Variants in PROM1 observed in about 807,000 individuals in gnomAD.
PROM1 encodes the protein prominin 1.
PROM1 carries 105 observed loss-of-function variants against 116.9 expected under a neutral mutation model. The observed-to-expected ratio is 0.90, with a 90% CI of 0.77 to 1.06. The LOEUF is 1.06. Among genes scored for constraint, PROM1 ranks in the 50% least tolerant of loss-of-function variants. The pLI, the probability that PROM1 is intolerant of heterozygous loss-of-function variation, is 0.00. For missense variants in PROM1, 1,122 were observed against 1,045.2 expected (o/e 1.07, Z -1.01); for synonymous variants, 393 against 387.0 (o/e 1.02, Z -0.18).
rs541140761 is a variant in PROM1 at position 16,014,532 on chromosome 4, T to C, written c.1078-1194A>G. Among the ~76,000 whole-genome samples the C allele has an allele frequency of 4.5e-4, 68 of 152,334 alleles. 1 individual carries two copies. The highest frequency in any genetic ancestry group is 1.5e-3 in the African/African-American group (64 of 41,578). ...ACTTTGTCGGTAAGTAAGTGTCTGGTAAACACATGTAGACAAGTGTTTAAT... is the reference window on the plus strand; with the variant it reads ...ACTTTGTCGGTAAGTAAGTGTCTGGCAAACACATGTAGACAAGTGTTTAAT... On this transcript the variant is annotated intron_variant, in intron 10 of 27. Transcript: ENST00000447510.
At position 15,984,340 on chromosome 4, in the gene PROM1, C is replaced by T. The variant is rs1468615991; in HGVS notation, c.2296G>A (p.Ala766Thr). ...WIEFSISEKV[A>T]SCKPVATALD... ...GCGGTGGCCACAGGTTTGCACGATG[C>T]CACTTTCTCACTGATCTAGGGGGGT... The change falls in exon 23 of 28, where the codon GCA (alanine) becomes ACA (threonine). Residue 766 changes from alanine to threonine, a missense_variant. Physicochemically the swap from Ala to Thr is moderately conservative, Grantham distance 58. Coordinates refer to ENST00000447510, the MANE Select transcript of PROM1 (RefSeq NM_006017.3). 1 of 1,594,444 alleles carries T rather than the reference C, an allele frequency of 6.3e-7. No individual in the cohort carries two copies. Among genetic ancestry groups the T allele is most frequent in the Middle Eastern group, 1.7e-4 (1 of 5,972 alleles).
intron 5 of PROM1, among the ~76,000 whole-genome samples, chr4:16,032,466 G>C (rs976590492): frequency 2.0e-5 from 3 of 152,162 alleles, no homozygotes; most frequent in Admixed American, 2.0e-4. Context: ...TACTGAGCAC[G>C]TGTGGTGTTT....
At chr4:16,003,217 G>A in intron 13 of PROM1, 1 of 450,476 alleles carries the variant, frequency 2.2e-6, no homozygotes, top group African/African-American at 2.0e-5. Context: ...GCATGGATGT[G>A]TCATAACTCA....
At chr4:16,011,932 G>T (rs1267445960) in intron 11 of PROM1, among the ~76,000 whole-genome samples, 1 of 152,134 alleles carries the variant, frequency 6.6e-6, no homozygotes, top group African/African-American at 2.4e-5. Flanking sequence ...GCACTAAAAT[G>T]ATTTTTAAAA....
In PROM1 at chr4:15,989,773, T is replaced by C; in HGVS notation, c.2035A>G (p.Thr679Ala). Residue 679 changes from threonine to alanine, a missense_variant, in exon 19 of 28, where the codon ACA becomes GCA. By Grantham distance (58) the Thr-to-Ala change is moderately conservative. Coordinates refer to ENST00000447510, the MANE Select transcript of PROM1 (RefSeq NM_006017.3). ...SLKRDAQTIK[T>A]IHQQRVLPIE... ...GGAAGGACTCGTTGCTGGTGAATTG[T>C]TTTAATAGTTTGTGCATCTCTTTTC... 6.2e-7 allele frequency: 1 copy of C among 1,610,118 alleles called. No homozygotes were observed. The highest frequency in any genetic ancestry group is 8.5e-7 in the Non-Finnish European group (1 of 1,177,830).
chr4:15,989,745 A>G lies in PROM1; in HGVS notation c.2063T>C (p.Ile688Thr). 3 of 1,603,942 alleles carry G rather than the reference A, an allele frequency of 1.9e-6. No individual in the cohort carries two copies. Among genetic ancestry groups the G allele is most frequent in the Non-Finnish European group, 1.7e-6 (2 of 1,173,516 alleles). ...GTTGACTGTTACCAGTGATTGTTCTATAGGAAGGACTCGTTGCTGGTGAAT... is the reference window on the plus strand; with the variant it reads ...GTTGACTGTTACCAGTGATTGTTCTGTAGGAAGGACTCGTTGCTGGTGAAT... ...KTIHQQRVLP[I>T]EQSLSTLYQS... Residue 688 changes from isoleucine (I) to threonine (T), a missense_variant, in exon 19 of 28, where the codon ATA (isoleucine) becomes ACA (threonine). Ile to Thr is a moderately conservative substitution (Grantham distance 89). Coordinates refer to ENST00000447510, the MANE Select transcript of PROM1 (RefSeq NM_006017.3).
chr4:16,025,951 G>A (rs1214250441), intron 5 of PROM1, among the ~76,000 whole-genome samples: 1 of 152,208 alleles, frequency 6.6e-6, no homozygotes, highest in Non-Finnish European at 1.5e-5. Context: ...TCTACAGAAA[G>A]TGCAAAAACA....
At position 16,019,311 on chromosome 4, in the gene PROM1, AAATTTTG is replaced by A. The variant is rs546872792; in HGVS notation, c.785-778_785-772del. ...ATGCATTCAGTTAAAATCGTACTTC[AAATTTTG>A]AATTTTGAATTTTGAACTTTCCCAG... On this transcript the variant is annotated intron_variant, in intron 8 of 27. Coordinates refer to ENST00000447510, the MANE Select transcript of PROM1 (RefSeq NM_006017.3). Among the ~76,000 whole-genome samples, 387 of 152,370 alleles carry A rather than the reference AAATTTTG, an allele frequency of 2.5e-3. 1 individual carries two copies. The highest frequency in any genetic ancestry group is 8.3e-3 in the African/African-American group (345 of 41,592).
chr4:16,037,762 T>A (rs1320165128), intron 3 of PROM1, among the ~76,000 whole-genome samples: 1 of 152,138 alleles, frequency 6.6e-6, no homozygotes, highest in Non-Finnish European at 1.5e-5. Context: ...TGCTACACAC[T>A]TTTGTCTGTT....
At chr4:15,980,389 G>T in intron 24 of PROM1, 33 bp downstream of exon 24, 2 of 1,370,412 alleles carry the variant, frequency 1.5e-6, no homozygotes, top group South Asian at 2.6e-5. Context: ...CCTAGAAAAT[G>T]ACCCCCACGT....
intron 12 of PROM1, 22 bp from the exon 13 acceptor site, chr4:16,006,712 T>C (rs767166014): frequency 6.2e-7 from 1 of 1,610,988 alleles, no homozygotes; most frequent in Non-Finnish European, 8.5e-7. Context: ...AGCACAGTGT[T>C]AGTATACATG....
intron 26 of PROM1, among the ~76,000 whole-genome samples, chr4:15,972,957 T>C (rs1354788992): frequency 6.6e-6 from 1 of 152,058 alleles, no homozygotes; most frequent in African/African-American, 2.4e-5. Context: ...AATGATGCAC[T>C]ATCCCCTTCA....
intron 22 of PROM1, chr4:15,985,518 AG>A (rs1434874795): frequency 4.7e-5 from 22 of 467,478 alleles, no homozygotes; most frequent in Non-Finnish European, 7.1e-5. Flanking sequence ...TACCTGAAAA[AG>A]GGGGTGGGAA....
intron 10 of PROM1, 91 bp downstream of exon 10, chr4:16,016,075 C>T (rs1728305502): frequency 1.7e-6 from 2 of 1,161,912 alleles, no homozygotes; most frequent in Non-Finnish European, 2.5e-6. Flanking sequence ...TAGAATTTCA[C>T]TGCTTTTTTG....
intron 8 of PROM1, among the ~76,000 whole-genome samples, chr4:16,021,374 C>A (rs1729837367): frequency 6.6e-6 from 1 of 152,056 alleles, no homozygotes; most frequent in Non-Finnish European, 1.5e-5. Context: ...TACTTTTGCC[C>A]AGCCTTCACT....
intron 14 of PROM1, among the ~76,000 whole-genome samples, chr4:15,999,629 A>G (rs1473330640): frequency 5.9e-5 from 9 of 152,190 alleles, no homozygotes; most frequent in African/African-American, 2.4e-5. Flanking sequence ...ACTCTACAGG[A>G]GATAATGATG....
chr4:16,020,040 GGGTCACCTCCTGGTTACTAGAAGA>G (rs2149314197), intron 8 of PROM1, among the ~76,000 whole-genome samples: 3 of 152,230 alleles, frequency 2.0e-5, no homozygotes, highest in African/African-American at 7.2e-5. Context: ...GGAGTGTGTT[GGGTCACCTCCTGGTTACTAGAAGA>G]GTCTGATTCC....
chr4:16,033,163 G>A, intron 5 of PROM1, 141 bp downstream of exon 5: 1 of 690,194 alleles, frequency 1.4e-6, no homozygotes. Flanking sequence ...AAGCGCTTGT[G>A]CTCTCTCTTT....
chr4:16,034,379 A>T (rs1733523624), intron 4 of PROM1, among the ~76,000 whole-genome samples: 1 of 152,182 alleles, frequency 6.6e-6, no homozygotes, highest in South Asian at 2.1e-4. Context: ...ATAACGCATG[A>T]TTAGAAATAA....
Sources: gnomAD v4.1 joint callset for allele counts (sites outside exome capture counted in the v4.1 genomes callset) on GRCh38, gnomAD v4.1.1 for gene constraint, MANE v1.5 for transcripts, NCBI Gene and HGNC (gene_info 2026-07-23, HGNC 2026-07-21) for gene names.